Variants in PRKCE observed in about 807,000 individuals in gnomAD.
The protein encoded by PRKCE is protein kinase C epsilon.
PRKCE carries 16 observed loss-of-function variants against 85.4 expected under a neutral mutation model. The ratio of observed to expected loss-of-function variants is 0.19; its 90% confidence interval spans 0.13 to 0.28. PRKCE has a LOEUF of 0.28. Among genes scored for constraint, PRKCE ranks in the 10% least tolerant of loss-of-function variants. The probability of loss-of-function intolerance (pLI) is 1.00; values close to 1 mark genes in which losing one functional copy is unlikely to be tolerated. For synonymous variants in PRKCE, 388 were observed against 371.5 expected (o/e 1.04, Z -0.51); for missense variants, 573 against 975.2 (o/e 0.59, Z 5.49).
At position 45,864,013 on chromosome 2, in the gene PRKCE, T is replaced by A. The variant is rs548823203; in HGVS notation, c.412+20950T>A. Reference sequence around the variant, plus strand: ...CTTTTCCAGGTTTCAATTTCCTTGTTTGTAGAATGGCAATAGTAAAACTGC... The same window carrying A: ...CTTTTCCAGGTTTCAATTTCCTTGTATGTAGAATGGCAATAGTAAAACTGC... On this transcript the variant is annotated intron_variant, in intron 2 of 14. Transcript: ENST00000306156. 2.0e-5 allele frequency among the ~76,000 whole-genome samples: 3 copies of A among 152,330 alleles called. No homozygotes were observed. In the South Asian group the frequency reaches 6.2e-4, roughly 32 times the overall value.
chr2:45,860,763 A>T (rs1347796590), intron 2 of PRKCE, among the ~76,000 whole-genome samples: 1 of 152,058 alleles, frequency 6.6e-6, no homozygotes, highest in African/African-American at 2.4e-5. Flanking sequence ...TTGACTTTGC[A>T]TGGTACACTC....
chr2:45,772,051 C>G (rs1685380352), intron 1 of PRKCE, among the ~76,000 whole-genome samples: 1 of 152,122 alleles, frequency 6.6e-6, no homozygotes, highest in Non-Finnish European at 1.5e-5. Context: ...TGTGATTGTT[C>G]CCATTTGACA....
At chr2:45,829,863 G>T (rs961571745) in intron 1 of PRKCE, among the ~76,000 whole-genome samples, 10 of 151,872 alleles carry the variant, frequency 6.6e-5, no homozygotes, top group African/African-American at 2.2e-4. Flanking sequence ...CACGAGGTCA[G>T]GAGATCGAGA....
chr2:45,690,683 G>A (rs781600024), intron 1 of PRKCE, among the ~76,000 whole-genome samples: 4 of 152,086 alleles, frequency 2.6e-5, no homozygotes, highest in East Asian at 1.9e-4. Flanking sequence ...TGTGTATATC[G>A]TGTGGGAGCT....
At chr2:46,061,816 C>T (rs1422691617) in intron 10 of PRKCE, among the ~76,000 whole-genome samples, 1 of 136,260 alleles carries the variant, frequency 7.3e-6, no homozygotes, top group Non-Finnish European at 1.6e-5. Context: ...CTCATGCATA[C>T]GTTAAGTATT....
At chr2:46,075,583 CA>C (rs1313131926) in intron 10 of PRKCE, among the ~76,000 whole-genome samples, 1 of 151,612 alleles carries the variant, frequency 6.6e-6, no homozygotes, top group Non-Finnish European at 1.5e-5. Flanking sequence ...CCTCTCTCTA[CA>C]AAAAAATATG....
At chr2:46,174,057 T>G (rs2104675919) in intron 14 of PRKCE, among the ~76,000 whole-genome samples, 2 of 152,298 alleles carry the variant, frequency 1.3e-5, no homozygotes, top group South Asian at 4.1e-4. Flanking sequence ...GAGAATTTGG[T>G]CCATTTAGAA....
intron 1 of PRKCE, among the ~76,000 whole-genome samples, chr2:45,813,425 G>A (rs954356090): frequency 1.1e-4 from 16 of 152,318 alleles, no homozygotes; most frequent in African/African-American, 3.8e-4. Flanking sequence ...TGCTAAGGAA[G>A]GGGCTTATTC....
At chr2:46,028,028 G>A (rs1024257208) in intron 10 of PRKCE, among the ~76,000 whole-genome samples, 4 of 151,376 alleles carry the variant, frequency 2.6e-5, no homozygotes, top group Admixed American at 1.3e-4. Flanking sequence ...TGCAGCCTCC[G>A]CCTCCCGGGT....
At chr2:45,827,308 T>C (rs1350548165) in intron 1 of PRKCE, among the ~76,000 whole-genome samples, 1 of 152,268 alleles carries the variant, frequency 6.6e-6, no homozygotes, top group African/African-American at 2.4e-5. Context: ...AAATATCATA[T>C]GGAAATCTAA....
At chr2:45,673,422 TG>T (rs1462926549) in intron 1 of PRKCE, among the ~76,000 whole-genome samples, 1 of 152,208 alleles carries the variant, frequency 6.6e-6, no homozygotes, top group Non-Finnish European at 1.5e-5. Context: ...GGATGGCAAT[TG>T]AGCGAGCAGT....
At chr2:45,685,837 T>C (rs1677255814) in intron 1 of PRKCE, among the ~76,000 whole-genome samples, 1 of 152,176 alleles carries the variant, frequency 6.6e-6, no homozygotes, top group South Asian at 2.1e-4. Context: ...CACTCTGCTG[T>C]GACAGGTATG....
At chr2:45,807,232 C>T (rs901736528) in intron 1 of PRKCE, among the ~76,000 whole-genome samples, 2 of 152,226 alleles carry the variant, frequency 1.3e-5, no homozygotes, top group Non-Finnish European at 2.9e-5. Context: ...AGGTAATATA[C>T]ATAAAGTGTG....
Position 45,889,288 on chromosome 2 carries a change from A to G in PRKCE, c.412+46225A>G, listed in dbSNP as rs562118722. On this transcript the variant is annotated intron_variant, in intron 2 of 14. Transcript: ENST00000306156. Reference sequence around the variant, plus strand: ...GGCGGGAGAAAGCCGACTCCACCTTATAAGGACTTGCAGCCAGGACAGCAA... The same window carrying G: ...GGCGGGAGAAAGCCGACTCCACCTTGTAAGGACTTGCAGCCAGGACAGCAA... Among the ~76,000 whole-genome samples the G allele has an allele frequency of 1.1e-4, 16 of 152,260 alleles. No homozygotes were observed. The East Asian group carries it at 2.9e-3, about 28-fold the overall frequency.
chr2:45,771,702 C>CGCGT, intron 1 of PRKCE, among the ~76,000 whole-genome samples: 1 of 146,814 alleles, frequency 6.8e-6, no homozygotes, highest in East Asian at 2.0e-4. Context: ...CAGAGTGGGG[C>CGCGT]GTGTGTGTGT....
chr2:46,124,277 A>C (rs971817650), intron 11 of PRKCE, among the ~76,000 whole-genome samples: 2 of 152,178 alleles, frequency 1.3e-5, no homozygotes, highest in Non-Finnish European at 2.9e-5. Flanking sequence ...GTGATCCAAG[A>C]TCGCACCACT....
At chr2:46,168,862 A>G (rs1157492747) in intron 14 of PRKCE, among the ~76,000 whole-genome samples, 3 of 152,142 alleles carry the variant, frequency 2.0e-5, no homozygotes, top group East Asian at 1.9e-4. Context: ...TGGGTCTTGC[A>G]GAAGATCCTA....
intron 2 of PRKCE, among the ~76,000 whole-genome samples, chr2:45,866,265 T>G (rs1558769481): frequency 6.6e-6 from 1 of 152,098 alleles, no homozygotes; most frequent in Non-Finnish European, 1.5e-5. Context: ...AGATAATATG[T>G]CTGGGATTTT....
chr2:45,976,222 T>G (rs185276801), intron 2 of PRKCE, among the ~76,000 whole-genome samples: 2 of 152,272 alleles, frequency 1.3e-5, no homozygotes, highest in African/African-American at 4.8e-5. Context: ...ATAGGCACAC[T>G]CTGGGCCTTT....
Sources: allele counts gnomAD v4.1 joint callset (sites outside exome capture counted in the v4.1 genomes callset), GRCh38; gene constraint gnomAD v4.1.1; transcripts MANE v1.5; gene names NCBI Gene and HGNC (gene_info 2026-07-23, HGNC 2026-07-21).